Variants in PDGFD observed in about 807,000 individuals in gnomAD.
The protein encoded by PDGFD is platelet derived growth factor D, also known as platelet-derived growth factor D.
PDGFD carries 30 observed loss-of-function variants against 44.7 expected under a neutral mutation model. The observed-to-expected ratio is 0.67, with a 90% CI of 0.50 to 0.91. The LOEUF (loss-of-function observed/expected upper bound fraction) is 0.91. Among genes scored for constraint, PDGFD ranks in the 40% least tolerant of loss-of-function variants. The pLI, the probability that PDGFD is intolerant of heterozygous loss-of-function variation, is 0.00. For missense variants in PDGFD, 445 were observed against 457.8 expected (o/e 0.97, Z 0.25); for synonymous variants, 173 against 168.4 (o/e 1.03, Z -0.21).
At chr11:104,126,767 G>T (rs1014997253) in intron 1 of PDGFD, among the ~76,000 whole-genome samples, 1 of 151,922 alleles carries the variant, frequency 6.6e-6, no homozygotes, top group Admixed American at 6.6e-5. Context: ...TTACAACTTT[G>T]CCCCTTTCTT....
intron 1 of PDGFD, among the ~76,000 whole-genome samples, chr11:104,145,982 A>G (rs936478088): frequency 6.6e-6 from 1 of 152,198 alleles, no homozygotes; most frequent in African/African-American, 2.4e-5. Context: ...CAGAAATCAA[A>G]TTTGCCAACA....
chr11:104,093,108 A>G (rs970673010), intron 1 of PDGFD, among the ~76,000 whole-genome samples: 1 of 152,128 alleles, frequency 6.6e-6, no homozygotes, highest in African/African-American at 2.4e-5. Context: ...CTTGTTTTCA[A>G]CTAGCTGAAA....
At chr11:103,914,001 A>G (rs958857625) in intron 6 of PDGFD, among the ~76,000 whole-genome samples, 4 of 134,944 alleles carry the variant, frequency 3.0e-5, no homozygotes, top group African/African-American at 1.1e-4. Flanking sequence ...ACAAAAGAGT[A>G]TGTTTGGAAG....
chr11:104,034,711 C>A (rs147327972), intron 1 of PDGFD, among the ~76,000 whole-genome samples: 3 of 151,324 alleles, frequency 2.0e-5, no homozygotes, highest in African/African-American at 7.3e-5. Flanking sequence ...GGCGCAATCT[C>A]GGCTTACTGC....
At chr11:104,004,986 C>T (rs1859679293) in intron 1 of PDGFD, among the ~76,000 whole-genome samples, 1 of 143,848 alleles carries the variant, frequency 7.0e-6, no homozygotes, top group Admixed American at 7.6e-5. Flanking sequence ...TCAAGCAAGT[C>T]TCCTGCCTCA....
rs543546648 is a variant in PDGFD at position 103,988,723 on chromosome 11, C to T, written c.510+7342G>A. ...CAGCACATATGTATGAGCTCTGTGA[C>T]CACAGGCATGCTCCTAACCTCTGTG... On this transcript the variant is annotated intron_variant, in intron 3 of 6. Coordinates refer to ENST00000393158, the MANE Select transcript of PDGFD (RefSeq NM_025208.5). Among the ~76,000 whole-genome samples the T allele has an allele frequency of 2.0e-4, 31 of 152,216 alleles. No homozygotes were observed. In the South Asian group the frequency reaches 6.4e-3, roughly 32 times the overall value.
In PDGFD at chr11:103,908,673, G is replaced by A. The variant is rs2134295449; in HGVS notation, c.*1021C>T. On this transcript the variant is annotated 3_prime_UTR_variant, in exon 7 of 7. Coordinates refer to ENST00000393158, the MANE Select transcript of PDGFD (RefSeq NM_025208.5). ...AAGATACATTAAATTAATTGGTGTA[G>A]TTTGGAGAGTTCGAATCCATTATTA... 6.6e-6 allele frequency: 1 copy of A among 152,302 alleles called. No individual in the cohort carries two copies. The highest frequency in any genetic ancestry group is 2.1e-4 in the South Asian group (1 of 4,828). The allele number at this position is 152,302 out of a possible 1,614,324, so 9.4% of individuals were successfully genotyped here. A position where few individuals can be genotyped will look rare whatever the true frequency, so the allele number is the denominator to read the frequency against.
chr11:104,048,333 AG>A (rs1860474932), intron 1 of PDGFD, among the ~76,000 whole-genome samples: 1 of 151,550 alleles, frequency 6.6e-6, no homozygotes, highest in Non-Finnish European at 1.5e-5. Context: ...AGAAGCAACT[AG>A]ATAGAGCGAA....
chr11:104,106,705 AT>A (rs1269551200), intron 1 of PDGFD, among the ~76,000 whole-genome samples: 2 of 151,586 alleles, frequency 1.3e-5, no homozygotes, highest in Non-Finnish European at 2.9e-5. Context: ...GGTGGCCAGA[AT>A]TCCATATGAT....
chr11:103,980,241 C>G (rs1859248375), intron 3 of PDGFD, among the ~76,000 whole-genome samples: 1 of 152,002 alleles, frequency 6.6e-6, no homozygotes, highest in South Asian at 2.1e-4. Context: ...CGGAGTGCTT[C>G]TGGCCTTGAA....
In PDGFD at chr11:104,159,979, C is replaced by A. The variant is rs1463502465; in HGVS notation, c.124+3825G>T. ...CCACTATGCTTTACAAGATTATAGA[C>A]TTTAATATCCTTAGAGCTGAACAAA... On this transcript the variant is annotated intron_variant, in intron 1 of 6. Transcript: ENST00000393158. Among the ~76,000 whole-genome samples, 4 of 152,282 alleles carry A rather than the reference C, an allele frequency of 2.6e-5. No individual in the cohort carries two copies. The East Asian group carries it at 7.7e-4, about 29-fold the overall frequency.
chr11:103,996,796 G>A (rs548033871), intron 2 of PDGFD, among the ~76,000 whole-genome samples: 2 of 152,270 alleles, frequency 1.3e-5, no homozygotes, highest in Admixed American at 1.3e-4. Context: ...GAATGATCAC[G>A]TCATAAAATA....
In PDGFD at chr11:103,955,770, T is replaced by C. The variant is rs191252002; in HGVS notation, c.511-8046A>G. Among the ~76,000 whole-genome samples the C allele has an allele frequency of 8.5e-5, 13 of 152,252 alleles. No individual in the cohort carries two copies. The East Asian group carries it at 2.5e-3, about 29-fold the overall frequency. On this transcript the variant is annotated intron_variant, in intron 3 of 6. Transcript: ENST00000393158. The stretch of plus-strand genomic sequence containing the variant: ...CAAGAAGCCCTGGATAGGAGCTTTC[T>C]GTTATAGTAAAAATATCTTTAATTA...
At chr11:103,911,796 G>A (rs1406681683) in intron 6 of PDGFD, among the ~76,000 whole-genome samples, 3 of 151,778 alleles carry the variant, frequency 2.0e-5, no homozygotes, top group African/African-American at 7.3e-5. Flanking sequence ...TGACCTGATG[G>A]AGCTGAAAAA....
chr11:104,136,695 C>A (rs1041495826), intron 1 of PDGFD, among the ~76,000 whole-genome samples: 3 of 152,140 alleles, frequency 2.0e-5, no homozygotes, highest in African/African-American at 7.2e-5. Context: ...ACAAATACAC[C>A]TTTCCAATAG....
At chr11:104,147,586 A>C (rs1308100436) in intron 1 of PDGFD, among the ~76,000 whole-genome samples, 1 of 152,128 alleles carries the variant, frequency 6.6e-6, no homozygotes, top group Non-Finnish European at 1.5e-5. Context: ...CAGTGGCAGG[A>C]CTGAAATTTT....
intron 1 of PDGFD, among the ~76,000 whole-genome samples, chr11:104,001,105 T>G (rs147056875): frequency 1.6e-4 from 25 of 152,366 alleles, no homozygotes; most frequent in Non-Finnish European, 2.8e-4. Flanking sequence ...GGAGCCATTA[T>G]GACATTCAAC....
In PDGFD at chr11:104,153,049, A is replaced by C. The variant is rs184804135; in HGVS notation, c.124+10755T>G. On this transcript the variant is annotated intron_variant, in intron 1 of 6. Transcript: ENST00000393158. ...CTAGGTTTCTCCACATCAATGTTGCACAAGCTCCTAAAGCTTAAAGTGTTC... is the reference window on the plus strand; with the variant it reads ...CTAGGTTTCTCCACATCAATGTTGCCCAAGCTCCTAAAGCTTAAAGTGTTC... 2.2e-3 allele frequency among the ~76,000 whole-genome samples: 338 copies of C among 152,264 alleles called. 1 individual carries two copies. The highest frequency in any genetic ancestry group is 6.8e-3 in the Middle Eastern group (2 of 294).
At chr11:104,057,808 A>G (rs746508406) in intron 1 of PDGFD, among the ~76,000 whole-genome samples, 1 of 152,252 alleles carries the variant, frequency 6.6e-6, no homozygotes, top group Non-Finnish European at 1.5e-5. Flanking sequence ...ATTTGATATT[A>G]TCATAAAGAT....
Sources: gnomAD v4.1 joint callset for allele counts (sites outside exome capture counted in the v4.1 genomes callset) on GRCh38, gnomAD v4.1.1 for gene constraint, MANE v1.5 for transcripts, NCBI Gene and HGNC (gene_info 2026-07-23, HGNC 2026-07-21) for gene names.